The following ZDHHC13 variants were observed in gnomAD, a reference collection of about 807,000 sequenced individuals.
ZDHHC13 encodes zDHHC palmitoyltransferase 13.
Under a neutral mutation model 86.0 loss-of-function variants are expected in ZDHHC13, and 85 were observed. The observed-to-expected ratio is 0.99, with a 90% CI of 0.83 to 1.18. The LOEUF (loss-of-function observed/expected upper bound fraction) is 1.18, where lower values mean the gene tolerates loss of function less well. Ranked by LOEUF, ZDHHC13 falls within the 50% of genes most tolerant of loss-of-function variation. The probability of loss-of-function intolerance (pLI) is 0.00; values close to 1 mark genes in which losing one functional copy is unlikely to be tolerated. For synonymous variants in ZDHHC13, 263 were observed against 246.4 expected (o/e 1.07, Z -0.63); for missense variants, 711 against 730.2 (o/e 0.97, Z 0.30).
At chr11:19,122,940 G>A (rs1447176479) in intron 1 of ZDHHC13, among the ~76,000 whole-genome samples, 1 of 152,100 alleles carries the variant, frequency 6.6e-6, no homozygotes, top group Non-Finnish European at 1.5e-5. Flanking sequence ...TGATCTGCAT[G>A]CGGGTAAACA....
intron 16 of ZDHHC13, among the ~76,000 whole-genome samples, chr11:19,173,365 A>G (rs1486213932): frequency 6.6e-6 from 1 of 152,144 alleles, no homozygotes; most frequent in Admixed American, 6.5e-5. Context: ...GTTGAAAATG[A>G]GAGTATGTAT....
Position 19,147,691 on chromosome 11 carries a change from A to C in ZDHHC13, c.374+18A>C, listed in dbSNP as rs771502497. The C allele has an allele frequency of 7.0e-6, 11 of 1,574,288 alleles. No homozygotes were observed. The African/African-American group carries it at 1.2e-4, about 17-fold the overall frequency. On this transcript the variant is annotated intron_variant, in intron 4 of 16. Coordinates refer to ENST00000446113, the MANE Select transcript of ZDHHC13 (RefSeq NM_019028.3). ...GCCATCCGGTAAGGTTTCTTTGAAC[A>C]CTGAAATTAAATAGCCACATATAGC... is the stretch of plus-strand genomic sequence containing the variant.
At chr11:19,139,121 A>G (rs925568735) in intron 1 of ZDHHC13, among the ~76,000 whole-genome samples, 3 of 152,044 alleles carry the variant, frequency 2.0e-5, no homozygotes, top group African/African-American at 7.2e-5. Context: ...AGGAAGTCAA[A>G]TTGTCCCTGT....
In ZDHHC13 at chr11:19,152,256, G is replaced by GA; in HGVS notation, c.686dup (p.Asn229LysfsTer3). ...CCACTTCACTGGGCAGTTGCAGCAGGAAATGTTAATGCAGTTGATAAGCTT... is the reference window on the plus strand; with the variant it reads ...CCACTTCACTGGGCAGTTGCAGCAGGAAAATGTTAATGCAGTTGATAAGCTT... On this transcript the variant is annotated frameshift_variant, in exon 7 of 17. Coordinates refer to ENST00000446113, the MANE Select transcript of ZDHHC13 (RefSeq NM_019028.3). LOFTEE classifies it high-confidence loss of function. 1 of 1,613,372 alleles carries GA rather than the reference G, an allele frequency of 6.2e-7. No individual in the cohort carries two copies. The highest frequency in any genetic ancestry group is 1.1e-5 in the South Asian group (1 of 91,026).
At chr11:19,164,656 A>G (rs1213535076) in intron 12 of ZDHHC13, 1 of 443,670 alleles carries the variant, frequency 2.3e-6, no homozygotes. Context: ...TCAGAGGCTC[A>G]TAATGACCTT....
intron 1 of ZDHHC13, among the ~76,000 whole-genome samples, chr11:19,119,356 C>T (rs972578194): frequency 4.6e-5 from 7 of 152,172 alleles, no homozygotes; most frequent in African/African-American, 9.7e-5. Context: ...CCGCCCGCCT[C>T]GGCCTCCCAA....
At chr11:19,145,531 C>T (rs573063643) in intron 2 of ZDHHC13, among the ~76,000 whole-genome samples, 1 of 152,184 alleles carries the variant, frequency 6.6e-6, no homozygotes, top group African/African-American at 2.4e-5. Context: ...TTGCCTATTG[C>T]GTCTGACCTC....
At chr11:19,132,838 A>T (rs892657491) in intron 1 of ZDHHC13, among the ~76,000 whole-genome samples, 2 of 152,158 alleles carry the variant, frequency 1.3e-5, no homozygotes, top group African/African-American at 4.8e-5. Context: ...AGGTTACTTC[A>T]TATATTTTGT....
At chr11:19,120,112 C>T (rs1388450660) in intron 1 of ZDHHC13, among the ~76,000 whole-genome samples, 1 of 152,212 alleles carries the variant, frequency 6.6e-6, no homozygotes, top group African/African-American at 2.4e-5. Context: ...AGAAGTATTA[C>T]ATGATCCCTC....
chr11:19,127,489 A>C (rs575826347), intron 1 of ZDHHC13, among the ~76,000 whole-genome samples: 1 of 152,156 alleles, frequency 6.6e-6, no homozygotes, highest in East Asian at 1.9e-4. Flanking sequence ...TTTTGTTGCC[A>C]TTGCTTTTGG....
intron 15 of ZDHHC13, among the ~76,000 whole-genome samples, chr11:19,171,861 C>T (rs538809240): frequency 7.2e-4 from 109 of 152,220 alleles, no homozygotes; most frequent in African/African-American, 2.6e-3. Context: ...TCCAGTTCTT[C>T]GGAAACGTTC....
intron 1 of ZDHHC13, among the ~76,000 whole-genome samples, chr11:19,135,501 C>T (rs1052649375): frequency 1.2e-4 from 18 of 152,212 alleles, no homozygotes; most frequent in African/African-American, 2.4e-4. Flanking sequence ...TGGGGAGGGG[C>T]GCCCGCCATT....
chr11:19,121,985 A>G (rs1445755110), intron 1 of ZDHHC13, among the ~76,000 whole-genome samples: 1 of 152,098 alleles, frequency 6.6e-6, no homozygotes. Context: ...CAGGGACTCA[A>G]TGTGTCTTCT....
upstream of ZDHHC13, chr11:19,117,106 G>A (rs189667796): frequency 8.2e-6 from 7 of 857,452 alleles, no homozygotes; most frequent in Non-Finnish European, 1.3e-5. This position sits in a 1 kb window ranked among gnomAD's most constrained non-coding sequence, Gnocchi z 4.2. Context: ...ACCGATTGAC[G>A]GCTCAGGGCA....
intron 1 of ZDHHC13, among the ~76,000 whole-genome samples, chr11:19,132,537 G>T (rs918753653): frequency 6.6e-6 from 1 of 152,132 alleles, no homozygotes; most frequent in African/African-American, 2.4e-5. Context: ...AAGACTCAGT[G>T]GGCCTCCTGT....
rs144767217 is a variant in ZDHHC13, at chr11:19,124,067, G to A, written c.27+6791G>A. 2.9e-3 allele frequency among the ~76,000 whole-genome samples: 441 copies of A among 152,030 alleles called. 1 individual carries two copies. The highest frequency in any genetic ancestry group is 0.01 in the African/African-American group (429 of 41,456). The stretch of plus-strand genomic sequence containing the variant: ...AATCCTATAGAATTAGAATGCCCAG[G>A]GTGTTGATTGTGTATAGATATGAAA... On this transcript the variant is annotated intron_variant, in intron 1 of 16. Coordinates refer to ENST00000446113, the MANE Select transcript of ZDHHC13 (RefSeq NM_019028.3).
chr11:19,128,303 C>T (rs932267385), intron 1 of ZDHHC13, among the ~76,000 whole-genome samples: 2 of 152,038 alleles, frequency 1.3e-5, no homozygotes, highest in African/African-American at 4.8e-5. Context: ...GATTTTGTAT[C>T]CTGAAACTTT....
intron 14 of ZDHHC13, chr11:19,169,325 T>C (rs1850156232): frequency 1.0e-6 from 1 of 985,456 alleles, no homozygotes; most frequent in South Asian, 4.7e-5. Context: ...TAATTTGCCT[T>C]AACTTGAACC....
rs1269122262 is a variant in ZDHHC13 at position 19,152,356 on chromosome 11, A to T, written c.747+36A>T. ...ATATTTATCTCCCTTAGTTTATTAT[A>T]TCTTGAGTTAGAAGATTGATAAATT... On this transcript the variant is annotated intron_variant, in intron 7 of 16. Transcript: ENST00000446113. 2.2e-5 allele frequency: 35 copies of T among 1,597,082 alleles called. No homozygotes were observed. In the African/African-American group the frequency reaches 2.3e-4, roughly 10 times the overall value.
Sources: gnomAD v4.1 joint callset for allele counts (sites outside exome capture counted in the v4.1 genomes callset) on GRCh38, gnomAD v4.1.1 for gene constraint, Gnocchi (gnomAD v3.1) non-coding constraint, MANE v1.5 for transcripts, NCBI Gene and HGNC (gene_info 2026-07-23, HGNC 2026-07-21) for gene names.